MYO16: variants seen among roughly 807,000 people sequenced by gnomAD.
The protein encoded by MYO16 is myosin XVI, also known as unconventional myosin-XVI.
A neutral mutation model predicts 205.3 loss-of-function variants in MYO16; 94 were observed. The observed-to-expected ratio is 0.46, with a 90% CI of 0.39 to 0.54. The LOEUF is 0.54. Ranked by LOEUF, MYO16 falls within the 20% of genes least tolerant of loss-of-function variation. The probability of loss-of-function intolerance (pLI) is 0.00; values close to 1 mark genes in which losing one functional copy is unlikely to be tolerated. For synonymous variants in MYO16, 988 were observed against 954.0 expected, an observed-to-expected ratio of 1.04 and a Z score of -0.66; for missense variants, 2,315 against 2,387.5, an observed-to-expected ratio of 0.97 and a Z score of 0.63.
chr13:108,858,458 C>T (rs1371393025), intron 11 of MYO16, among the ~76,000 whole-genome samples: 1 of 152,094 alleles, frequency 6.6e-6, no homozygotes, highest in Non-Finnish European at 1.5e-5. Context: ...TCATGGCAGC[C>T]CCACTCTTGT....
At chr13:108,800,969 T>G (rs1886952021) in intron 6 of MYO16, among the ~76,000 whole-genome samples, 1 of 152,032 alleles carries the variant, frequency 6.6e-6, no homozygotes, top group African/African-American at 2.4e-5. Flanking sequence ...AATGTAAAAA[T>G]ATGAAAAAAA....
chr13:108,768,489 G>T (rs1173426115), intron 4 of MYO16, among the ~76,000 whole-genome samples: 1 of 152,110 alleles, frequency 6.6e-6, no homozygotes, highest in Non-Finnish European at 1.5e-5. Context: ...AGTGAATATT[G>T]TTGAATTTCC....
chr13:108,567,207 A>T, the MYO16 span, among the ~76,000 whole-genome samples: 2 of 152,170 alleles, frequency 1.3e-5, no homozygotes, highest in East Asian at 3.8e-4. Context: ...GAAGTAAATA[A>T]TCAGGATGAT....
At chr13:109,130,149 A>G (rs1012656214) in intron 31 of MYO16, among the ~76,000 whole-genome samples, 6 of 152,204 alleles carry the variant, frequency 3.9e-5, no homozygotes. Flanking sequence ...TAAATTCCTT[A>G]TTACATGCTA....
At chr13:108,925,035 G>C (rs1248575570) in intron 16 of MYO16, among the ~76,000 whole-genome samples, 1 of 152,088 alleles carries the variant, frequency 6.6e-6, no homozygotes, top group Non-Finnish European at 1.5e-5. Context: ...GTGTTTTCCT[G>C]CCACTGTGTT....
intron 2 of MYO16, among the ~76,000 whole-genome samples, chr13:108,669,061 T>C (rs184642820): frequency 9.9e-5 from 15 of 152,060 alleles, no homozygotes; most frequent in African/African-American, 3.4e-4. Context: ...ATATAGATGA[T>C]ACCGAAAACC....
the MYO16 span, among the ~76,000 whole-genome samples, chr13:108,532,963 G>A: frequency 6.6e-6 from 1 of 152,076 alleles, no homozygotes; most frequent in Non-Finnish European, 1.5e-5. Flanking sequence ...AAGCCAGCTG[G>A]CCTCCACTGT....
In MYO16 at chr13:109,179,539, T is replaced by C. The variant is rs1215463790; in HGVS notation, c.5324-3T>C. 1.9e-6 allele frequency: 3 copies of C among 1,611,454 alleles called. No homozygotes were observed. The East Asian group carries it at 6.7e-5, about 36-fold the overall frequency. On this transcript the variant is annotated splice_polypyrimidine_tract_variant and splice_region_variant and intron_variant, in intron 33 of 34. Transcript: ENST00000457511. ...AACTCCCGATTTGTGTTGACCTCAA[T>C]AGGTTTACCTGAAGAAGATGGATAC...
At chr13:108,664,189 A>G (rs1309626205) in intron 1 of MYO16, among the ~76,000 whole-genome samples, 1 of 152,368 alleles carries the variant, frequency 6.6e-6, no homozygotes, top group Non-Finnish European at 1.5e-5. Context: ...TTATGAAAAC[A>G]TATGATACTA....
chr13:108,594,390 A>T (rs1878483154), upstream of MYO16, among the ~76,000 whole-genome samples: 1 of 151,282 alleles, frequency 6.6e-6, no homozygotes. Context: ...GTGTCCCTGC[A>T]GGTCGCAGGT....
chr13:108,755,553 CA>C (rs200190650), intron 4 of MYO16, among the ~76,000 whole-genome samples: 5,308 of 136,628 alleles, frequency 0.039, 284 homozygotes, highest in African/African-American at 0.13. Flanking sequence ...CTTCAAATTG[CA>C]AAAAAAAAAA....
chr13:108,866,920 G>C (rs367678367), intron 12 of MYO16, among the ~76,000 whole-genome samples: 89 of 152,148 alleles, frequency 5.8e-4, no homozygotes, highest in Non-Finnish European at 1.2e-3. Flanking sequence ...GGGCAGGGAG[G>C]AGGACAGAGA....
intron 33 of MYO16, among the ~76,000 whole-genome samples, chr13:109,165,683 A>T (rs1260110143): frequency 6.6e-6 from 1 of 152,210 alleles, no homozygotes; most frequent in Non-Finnish European, 1.5e-5. Context: ...AATGCTGGGA[A>T]GCAGTTGAAG....
intron 16 of MYO16, among the ~76,000 whole-genome samples, chr13:108,941,352 C>T (rs143896101): frequency 2.0e-5 from 3 of 152,022 alleles, no homozygotes; most frequent in Non-Finnish European, 2.9e-5. Flanking sequence ...CCTGCCATGC[C>T]CCAAAGCATT....
intron 19 of MYO16, among the ~76,000 whole-genome samples, chr13:108,963,796 C>G (rs1206757484): frequency 6.6e-6 from 1 of 152,222 alleles, no homozygotes; most frequent in African/African-American, 2.4e-5. Context: ...TCTGCTTACA[C>G]CACCCTCACT....
the MYO16 span, among the ~76,000 whole-genome samples, chr13:108,502,567 TC>T: frequency 0.024 from 3,651 of 152,288 alleles, 126 homozygotes; most frequent in South Asian, 0.089. Flanking sequence ...CATTTTAATG[TC>T]TTTTTTATTA....
chr13:109,200,517 CAA>C (rs1257875841), intron 34 of MYO16, among the ~76,000 whole-genome samples: 6 of 152,104 alleles, frequency 3.9e-5, no homozygotes, highest in African/African-American at 1.4e-4. Context: ...TTCAATACAT[CAA>C]TACCCTCATT....
chr13:109,009,034 G>A lies in MYO16; in HGVS notation c.2580G>A (p.Leu860=). Reference sequence around the variant, plus strand: ...CTCCTGGTAACCAGAATGGAGTTTTGGACTTTTTTTTCCAGGTATTCATAT... The same window carrying A: ...CTCCTGGTAACCAGAATGGAGTTTTAGACTTTTTTTTCCAGGTATTCATAT... ...AYSPGNQNGV[L]DFFFQKPSGF... The change falls in exon 22 of 35, where the codon TTG becomes TTA. Residue 860 remains leucine (L), a synonymous_variant. Coordinates refer to ENST00000457511, the MANE Select transcript of MYO16 (RefSeq NM_001198950.3). The A allele has an allele frequency of 6.3e-7, 1 of 1,590,568 alleles. No homozygotes were observed. Among genetic ancestry groups the A allele is most frequent in the East Asian group, 2.2e-5 (1 of 44,482 alleles).
At chr13:109,073,960 G>A (rs1395734167) in intron 27 of MYO16, among the ~76,000 whole-genome samples, 4 of 152,128 alleles carry the variant, frequency 2.6e-5, no homozygotes, top group Non-Finnish European at 5.9e-5. Context: ...TTGCACCACG[G>A]GAAGGTACTC....
Sources: gnomAD v4.1 joint callset for allele counts (sites outside exome capture counted in the v4.1 genomes callset) on GRCh38, gnomAD v4.1.1 for gene constraint, MANE v1.5 for transcripts, NCBI Gene and HGNC (gene_info 2026-07-23, HGNC 2026-07-21) for gene names.